SH3RF2: variants seen among roughly 807,000 people sequenced by gnomAD.
SH3RF2 encodes SH3 domain containing ring finger 2, also known as E3 ubiquitin-protein ligase SH3RF2.
In SH3RF2, 43 loss-of-function variants were observed where a neutral mutation model predicts 59.0. The observed-to-expected ratio is 0.73, with a 90% CI of 0.57 to 0.94. The LOEUF (loss-of-function observed/expected upper bound fraction) is 0.94, where lower values mean the gene tolerates loss of function less well. SH3RF2 is among the 40% of genes least tolerant of loss of function. The pLI is 0.00. For missense variants in SH3RF2, 930 were observed against 940.1 expected (o/e 0.99, Z 0.14); for synonymous variants, 391 against 391.5 (o/e 1.00, Z 0.01).
intron 9 of SH3RF2, among the ~76,000 whole-genome samples, chr5:146,061,299 T>A (rs1762882087): frequency 6.6e-6 from 1 of 152,116 alleles, no homozygotes; most frequent in African/African-American, 2.4e-5. Context: ...AGAATCCAGA[T>A]CTGATGCAAA....
Position 146,049,115 on chromosome 5 carries a change from G to T in SH3RF2, c.1192G>T (p.Glu398Ter). 1 of 1,614,114 alleles carries T rather than the reference G, an allele frequency of 6.2e-7. No individual in the cohort carries two copies. ...LHSYSAHGPD[E>*]LDLQKGEGVR... ...CTCCTACTCAGCCCATGGACCCGAT[G>T]AGCTGGACCTGCAAAAGGGAGAAGG... The change falls in exon 7 of 10, where the codon GAG becomes TAG. Residue 398 changes from glutamate (E) to a stop codon, truncating the protein, a stop_gained. Transcript: ENST00000359120. LOFTEE classifies it high-confidence loss of function.
chr5:146,058,618 T>G (rs981297229), intron 8 of SH3RF2, among the ~76,000 whole-genome samples: 3 of 152,172 alleles, frequency 2.0e-5, no homozygotes, highest in African/African-American at 7.2e-5. Flanking sequence ...CTCAAGTCCT[T>G]GGAGTGTCAC....
In SH3RF2 at chr5:146,062,830, C is replaced by T; in HGVS notation, c.*129C>T. ...GTCCTTGTTCTTCCTATTTCACCTC[C>T]AGGAAAGCAAAAGTGGGAGCAGAAA... On this transcript the variant is annotated 3_prime_UTR_variant, in exon 10 of 10. Transcript: ENST00000359120. The T allele has an allele frequency of 7.6e-7, 1 of 1,321,494 alleles. No homozygotes were observed. The highest frequency in any genetic ancestry group is 1.0e-6 in the Non-Finnish European group (1 of 987,532). 81.9% of individuals were successfully genotyped at this position (1,321,494 alleles called of 1,614,324 possible).
chr5:145,956,673 A>C (rs992322490), intron 2 of SH3RF2, among the ~76,000 whole-genome samples: 4 of 152,236 alleles, frequency 2.6e-5, no homozygotes, highest in Non-Finnish European at 5.9e-5. Context: ...TGTTAAATTA[A>C]AAGGAAAGAA....
chr5:145,980,626 G>T (rs1207408551), intron 2 of SH3RF2, among the ~76,000 whole-genome samples: 1 of 152,134 alleles, frequency 6.6e-6, no homozygotes, highest in African/African-American at 2.4e-5. Flanking sequence ...TTTAGGATTT[G>T]TAAGGCAAAG....
At chr5:145,998,721 G>A (rs1211879878) in intron 2 of SH3RF2, among the ~76,000 whole-genome samples, 1 of 152,146 alleles carries the variant, frequency 6.6e-6, no homozygotes, top group East Asian at 1.9e-4. Context: ...GACCATCCTG[G>A]CCAACATAGT....
chr5:145,948,964 A>G (rs766017421), intron 2 of SH3RF2, among the ~76,000 whole-genome samples: 11 of 152,230 alleles, frequency 7.2e-5, no homozygotes, highest in Non-Finnish European at 1.3e-4. Flanking sequence ...ATACTTAATT[A>G]TTGAATGCAT....
At chr5:146,005,602 G>A (rs1760610723) in intron 4 of SH3RF2, among the ~76,000 whole-genome samples, 1 of 152,152 alleles carries the variant, frequency 6.6e-6, no homozygotes, top group Non-Finnish European at 1.5e-5. Flanking sequence ...TCTTCTTATT[G>A]TCTCTACTAA....
At chr5:146,071,195 G>A (rs1483488594) in intron 9 of SH3RF2, among the ~76,000 whole-genome samples, 5 of 152,138 alleles carry the variant, frequency 3.3e-5, no homozygotes, top group Non-Finnish European at 5.9e-5. Flanking sequence ...CAGGCCTGGA[G>A]GTCCAAAAAG....
intron 2 of SH3RF2, among the ~76,000 whole-genome samples, chr5:145,962,888 CTTTTTTTTTTT>C (rs1168517787): frequency 9.6e-6 from 1 of 104,550 alleles, no homozygotes; most frequent in Admixed American, 1.1e-4. Context: ...TATTATTCCA[CTTTTTTTTTTT>C]TTTTTTTTTT....
At chr5:145,998,921 A>G (rs1025523821) in intron 2 of SH3RF2, among the ~76,000 whole-genome samples, 5 of 152,242 alleles carry the variant, frequency 3.3e-5, no homozygotes, top group Non-Finnish European at 7.3e-5. Context: ...GAAAGAAAAG[A>G]AAACAAAAAA....
chr5:146,012,585 G>A (rs951191313), intron 4 of SH3RF2, among the ~76,000 whole-genome samples: 1 of 152,168 alleles, frequency 6.6e-6, no homozygotes, highest in African/African-American at 2.4e-5. Flanking sequence ...TCCTGGTTTA[G>A]TCTTGGTTGG....
chr5:146,053,727 C>G (rs929546204), intron 7 of SH3RF2, among the ~76,000 whole-genome samples: 4 of 152,174 alleles, frequency 2.6e-5, no homozygotes, highest in Non-Finnish European at 4.4e-5. Context: ...GCCCAATTAG[C>G]CAGGATCTTC....
At chr5:145,953,732 C>T (rs1036641466) in intron 2 of SH3RF2, among the ~76,000 whole-genome samples, 6 of 152,074 alleles carry the variant, frequency 3.9e-5, no homozygotes, top group African/African-American at 1.2e-4. Flanking sequence ...CGAGTAGACC[C>T]CAGTGTCTTT....
rs369827919 is a variant in SH3RF2, at chr5:146,063,157, C to T, written c.*456C>T. 44 of 158,734 alleles carry T rather than the reference C, an allele frequency of 2.8e-4. No individual in the cohort carries two copies. Among genetic ancestry groups the T allele is most frequent in the East Asian group, 1.7e-3 (9 of 5,298 alleles). 9.8% of individuals were successfully genotyped at this position (158,734 alleles called of 1,614,324 possible). On this transcript the variant is annotated 3_prime_UTR_variant, in exon 10 of 10. Transcript: ENST00000359120. The stretch of plus-strand genomic sequence containing the variant: ...CTTCTGCCATCTTCTGGGGCCTGTA[C>T]ACTGGCCACTAGTAGCTGCCATATC...
At chr5:146,048,982 C>A in intron 6 of SH3RF2, 93 bp from the exon 7 acceptor site, 1 of 1,451,746 alleles carries the variant, frequency 6.9e-7, no homozygotes, top group Non-Finnish European at 9.6e-7. Flanking sequence ...TATTGCTAAC[C>A]ACTGGGCAGT....
intron 2 of SH3RF2, among the ~76,000 whole-genome samples, chr5:145,943,950 G>A (rs541077074): frequency 3.1e-4 from 47 of 152,108 alleles, no homozygotes; most frequent in Non-Finnish European, 5.7e-4. Flanking sequence ...CCACCTGTCC[G>A]TTCATGCTAT....
chr5:145,937,566 C>T (rs1381673508), intron 1 of SH3RF2, among the ~76,000 whole-genome samples: 4 of 152,100 alleles, frequency 2.6e-5, no homozygotes, highest in African/African-American at 9.7e-5. Flanking sequence ...CTTCAGCAGG[C>T]CAGTTTATCT....
At chr5:146,016,402 G>GGATGGATA (rs1224610177) in intron 5 of SH3RF2, among the ~76,000 whole-genome samples, 2 of 148,062 alleles carry the variant, frequency 1.4e-5, no homozygotes, top group Non-Finnish European at 3.0e-5. Context: ...ATGGATGGAT[G>GGATGGATA]GATAGATGAT....
Sources: gnomAD v4.1 joint callset for allele counts (sites outside exome capture counted in the v4.1 genomes callset) on GRCh38, gnomAD v4.1.1 for gene constraint, MANE v1.5 for transcripts, NCBI Gene and HGNC (gene_info 2026-07-23, HGNC 2026-07-21) for gene names.